Variants in MTURN observed in about 807,000 individuals in gnomAD.
The protein encoded by MTURN is maturin, neural progenitor differentiation regulator homolog.
Under a neutral mutation model 14.9 loss-of-function variants are expected in MTURN, and 7 were observed. The observed-to-expected ratio is 0.47, with a 90% CI of 0.27 to 0.88. The LOEUF is 0.88. Ranked by LOEUF, MTURN falls within the 40% of genes least tolerant of loss-of-function variation. The probability of loss-of-function intolerance (pLI) is 0.14; values close to 1 mark genes in which losing one functional copy is unlikely to be tolerated. For missense variants in MTURN, 151 were observed against 174.1 expected, an observed-to-expected ratio of 0.87 and a Z score of 0.75; for synonymous variants, 69 against 72.5, an observed-to-expected ratio of 0.95 and a Z score of 0.25.
Position 30,135,190 on chromosome 7 carries a change from C to G in MTURN, c.54C>G (p.Pro18=). The change falls in exon 1 of 3, where the codon CCC becomes CCG. Residue 18 remains proline, a synonymous_variant. Coordinates refer to ENST00000324453, the MANE Select transcript of MTURN (RefSeq NM_152793.3). ...CGGAGAAATGGTGCTCCAACACGCC[C>G]TTCGAGCTCATCGCCACCGAGGAGA... The part of the protein sequence containing the change: ...DVAEKWCSNT[P]FELIATEETE... 6.7e-7 allele frequency: 1 copy of G among 1,503,580 alleles called. No individual in the cohort carries two copies. Among genetic ancestry groups the G allele is most frequent in the Non-Finnish European group, 8.9e-7 (1 of 1,124,192 alleles). The allele number at this position is 1,503,580 out of a possible 1,614,324, so 93.1% of individuals were successfully genotyped here.
At position 30,139,883 on chromosome 7, in the gene MTURN, A is replaced by AGCT. The variant is rs536470555; in HGVS notation, c.162+4589_162+4591dup. Among the ~76,000 whole-genome samples, 10 of 152,226 alleles carry AGCT rather than the reference A, an allele frequency of 6.6e-5. No individual in the cohort carries two copies. In the East Asian group the frequency reaches 1.9e-3, roughly 29 times the overall value. The stretch of plus-strand genomic sequence containing the variant: ...ATGATCAGGGCCTGGGGTGAAACAA[A>AGCT]GCTGCTAGTGCCCTGTGTGTGGAGG... On this transcript the variant is annotated intron_variant, in intron 1 of 2. Transcript: ENST00000324453.
intron 2 of MTURN, among the ~76,000 whole-genome samples, chr7:30,148,588 G>A (rs983778151): frequency 2.6e-5 from 4 of 152,222 alleles, no homozygotes; most frequent in African/African-American, 9.6e-5. Flanking sequence ...GGACTGGGAC[G>A]GTCACGGCAG....
chr7:30,147,146 A>C (rs1026885792), intron 2 of MTURN, among the ~76,000 whole-genome samples: 4 of 152,108 alleles, frequency 2.6e-5, no homozygotes, highest in Non-Finnish European at 4.4e-5. Flanking sequence ...TGCATAGTAG[A>C]CTATGTCTGA....
intron 2 of MTURN, among the ~76,000 whole-genome samples, chr7:30,147,836 C>T (rs938724699): frequency 1.3e-5 from 2 of 152,112 alleles, no homozygotes; most frequent in Admixed American, 6.5e-5. Context: ...ACTGAAATCC[C>T]TTTTTTGTTT....
intron 2 of MTURN, among the ~76,000 whole-genome samples, chr7:30,146,550 G>C (rs563082784): frequency 2.0e-4 from 23 of 116,474 alleles, no homozygotes; most frequent in Admixed American, 3.4e-4. Context: ...AATCCCTGAT[G>C]GGGGGGGAAG....
At chr7:30,156,039 A>G (rs1797282232) in intron 2 of MTURN, among the ~76,000 whole-genome samples, 2 of 152,160 alleles carry the variant, frequency 1.3e-5, no homozygotes. Context: ...TTGGGCCACA[A>G]ACAGACTGTA....
chr7:30,157,343 G>C, intron 2 of MTURN, 95 bp from the exon 3 acceptor site: 2 of 994,072 alleles, frequency 2.0e-6, no homozygotes, highest in African/African-American at 3.3e-5. Context: ...GCTGGGTTAA[G>C]TACTCTTTAA....
chr7:30,145,835 C>T, intron 1 of MTURN: 1 of 1,539,024 alleles, frequency 6.5e-7, no homozygotes, highest in South Asian at 1.2e-5. Flanking sequence ...GTTTCTCCTT[C>T]CCCATGTCTG....
At chr7:30,154,224 G>T (rs189666128) in intron 2 of MTURN, among the ~76,000 whole-genome samples, 5 of 152,270 alleles carry the variant, frequency 3.3e-5, no homozygotes, top group Non-Finnish European at 5.9e-5. Context: ...GTGGTGGTGG[G>T]CTGGGCAGGA....
chr7:30,139,406 A>T (rs1444065024), intron 1 of MTURN, among the ~76,000 whole-genome samples: 1 of 152,190 alleles, frequency 6.6e-6, no homozygotes, highest in East Asian at 1.9e-4. Context: ...CACAGTTAAT[A>T]AGTGGTAGAG....
rs971156534 is a variant in MTURN at position 30,162,095 on chromosome 7, G to C, written c.*4547G>C. On this transcript the variant is annotated 3_prime_UTR_variant, in exon 3 of 3. Transcript: ENST00000324453. ...TTTCATGTTAGAAACCCCATTTAAA[G>C]CACTATAAGGCTGAATAGGCACAAG... 1 of 152,024 alleles carries C rather than the reference G, an allele frequency of 6.6e-6. No individual in the cohort carries two copies. The highest frequency in any genetic ancestry group is 2.4e-5 in the African/African-American group (1 of 41,362). The allele number at this position is 152,024 out of a possible 1,614,324, so 9.4% of individuals were successfully genotyped here.
chr7:30,138,882 G>C (rs886513232), intron 1 of MTURN, among the ~76,000 whole-genome samples: 1 of 152,174 alleles, frequency 6.6e-6, no homozygotes, highest in African/African-American at 2.4e-5. Context: ...CTTGCGTTCT[G>C]TCTGCCTAGA....
At position 30,146,160 on chromosome 7, in the gene MTURN, C is replaced by T. The variant is rs369214942; in HGVS notation, c.163-17C>T. On this transcript the variant is annotated splice_polypyrimidine_tract_variant and intron_variant, in intron 1 of 2. Transcript: ENST00000324453. ...GTGTGTCTTTGTTTTCTCCTTCCGT[C>T]GCCCGTGGGCACGCAGCACGTGTGG... 7 of 1,613,496 alleles carry T rather than the reference C, an allele frequency of 4.3e-6. No homozygotes were observed. The highest frequency in any genetic ancestry group is 2.2e-5 in the East Asian group (1 of 44,858).
At chr7:30,136,519 C>T (rs1309319409) in intron 1 of MTURN, among the ~76,000 whole-genome samples, 1 of 152,108 alleles carries the variant, frequency 6.6e-6, no homozygotes, top group East Asian at 1.9e-4. Flanking sequence ...GTGGTCCTGC[C>T]GCCGAGCGCC....
chr7:30,142,837 G>A (rs544957575), intron 1 of MTURN, among the ~76,000 whole-genome samples: 9 of 152,266 alleles, frequency 5.9e-5, no homozygotes, highest in South Asian at 2.1e-4. Flanking sequence ...AGTACTTTCC[G>A]TACCCAGATT....
At chr7:30,142,843 A>G (rs1797072435) in intron 1 of MTURN, among the ~76,000 whole-genome samples, 1 of 152,188 alleles carries the variant, frequency 6.6e-6, no homozygotes, top group Admixed American at 6.6e-5. Flanking sequence ...TTCCGTACCC[A>G]GATTCATGTT....
At chr7:30,140,821 G>A (rs1344223398) in intron 1 of MTURN, 1 of 152,136 alleles carries the variant, frequency 6.6e-6, no homozygotes, top group Non-Finnish European at 1.5e-5. Context: ...GGGCATAATC[G>A]CTTATTGGGC....
rs1160887850 is a variant in MTURN, at chr7:30,135,105, G to GGGC, written c.-23_-21dup. The GGGC allele has an allele frequency of 7.8e-6, 11 of 1,403,710 alleles. No individual in the cohort carries two copies. Among genetic ancestry groups the GGGC allele is most frequent in the Middle Eastern group, 2.0e-4 (1 of 5,126 alleles). The allele number at this position is 1,403,710 out of a possible 1,614,324, so 87.0% of individuals were successfully genotyped here. ...GGAGGGCGCCTAGGAGCGGGAGGGC[G>GGGC]GGCGGCGGCGGGAGGCGGGCGCGGG... On this transcript the variant is annotated 5_prime_UTR_variant, in exon 1 of 3. Transcript: ENST00000324453.
intron 1 of MTURN, chr7:30,137,529 G>A (rs1376166482): frequency 2.2e-6 from 1 of 450,876 alleles, no homozygotes; most frequent in Non-Finnish European, 4.6e-6. Flanking sequence ...AAAGTGTCAT[G>A]TAAACTGACA....
Sources: allele counts gnomAD v4.1 joint callset (sites outside exome capture counted in the v4.1 genomes callset), GRCh38; gene constraint gnomAD v4.1.1; transcripts MANE v1.5; gene names NCBI Gene and HGNC (gene_info 2026-07-23, HGNC 2026-07-21).